HTR1E: variants seen among roughly 807,000 people sequenced by gnomAD.
HTR1E encodes the protein 5-HT-1E.
In HTR1E, 3 loss-of-function variants were observed where a neutral mutation model predicts 3.4. The ratio of observed to expected loss-of-function variants is 0.89; its 90% CI spans 0.41 to 2.31. The LOEUF (loss-of-function observed/expected upper bound fraction) is 2.31. Ranked by LOEUF, HTR1E falls within the 30% of genes most tolerant of loss-of-function variation. The probability of loss-of-function intolerance (pLI) is 0.05; values close to 1 mark genes in which losing one functional copy is unlikely to be tolerated. For missense variants in HTR1E, 392 were observed against 467.0 expected (o/e 0.84, Z 1.48); for synonymous variants, 170 against 182.8 (o/e 0.93, Z 0.56).
intron 1 of HTR1E, among the ~76,000 whole-genome samples, chr6:86,938,529 C>G (rs1768502975): frequency 1.3e-5 from 2 of 152,178 alleles, no homozygotes. Flanking sequence ...GCTCCTATCA[C>G]AGGATCATAG....
chr6:86,945,079 A>T (rs1768596690), intron 1 of HTR1E, among the ~76,000 whole-genome samples: 1 of 152,142 alleles, frequency 6.6e-6, no homozygotes, highest in African/African-American at 2.4e-5. Context: ...GTCCTTCAGA[A>T]GGTATCCCAG....
At chr6:86,991,118 AT>A (rs1453328132) in intron 1 of HTR1E, among the ~76,000 whole-genome samples, 1 of 152,200 alleles carries the variant, frequency 6.6e-6, no homozygotes, top group South Asian at 2.1e-4. Flanking sequence ...TCAGGGGGAC[AT>A]TTTTTTCTAC....
intron 1 of HTR1E, among the ~76,000 whole-genome samples, chr6:86,980,446 G>A (rs1305780782): frequency 1.3e-5 from 2 of 151,608 alleles, no homozygotes; most frequent in Admixed American, 6.6e-5. Flanking sequence ...GAAGAGGGAC[G>A]TGACAAGGCA....
chr6:87,008,092 AT>A (rs1476009358), intron 1 of HTR1E, among the ~76,000 whole-genome samples: 1 of 152,222 alleles, frequency 6.6e-6, no homozygotes, highest in Non-Finnish European at 1.5e-5. Flanking sequence ...CTGTTTTGAG[AT>A]TATAAAATGG....
chr6:86,971,961 A>C (rs1230675409), intron 1 of HTR1E, among the ~76,000 whole-genome samples: 1 of 152,190 alleles, frequency 6.6e-6, no homozygotes, highest in Non-Finnish European at 1.5e-5. Context: ...TACTTAGTGT[A>C]ATCTACAAGG....
At chr6:86,952,498 GACACAC>G (rs149359215) in intron 1 of HTR1E, among the ~76,000 whole-genome samples, 2 of 146,942 alleles carry the variant, frequency 1.4e-5, no homozygotes, top group Non-Finnish European at 3.0e-5. Context: ...CACACACACA[GACACAC>G]ACACACACAC....
At chr6:86,976,044 A>G (rs1767634683) in intron 1 of HTR1E, among the ~76,000 whole-genome samples, 1 of 152,084 alleles carries the variant, frequency 6.6e-6, no homozygotes, top group Admixed American at 6.6e-5. Context: ...TAAAAGTACT[A>G]ATATTTTTCA....
chr6:87,005,537 T>G (rs973880644), intron 1 of HTR1E, among the ~76,000 whole-genome samples: 1 of 152,124 alleles, frequency 6.6e-6, no homozygotes, highest in African/African-American at 2.4e-5. Flanking sequence ...CAGCATTCCA[T>G]ATGCAGAAGA....
chr6:87,015,238 C>T lies in HTR1E; in HGVS notation c.-97C>T. The T allele has an allele frequency of 1.9e-6, 2 of 1,058,440 alleles. No homozygotes were observed. The highest frequency in any genetic ancestry group is 2.6e-6 in the Non-Finnish European group (2 of 768,596). The allele number at this position is 1,058,440 out of a possible 1,614,324, so 65.6% of individuals were successfully genotyped here. The stretch of plus-strand genomic sequence containing the variant: ...GACCACATAGCTGAACAAATTATAG[C>T]CTCCTTACAAGTGAGAAACCTTCGA... On this transcript the variant is annotated 5_prime_UTR_variant, in exon 2 of 2. Coordinates refer to ENST00000305344, the MANE Select transcript of HTR1E (RefSeq NM_000865.3).
At chr6:87,007,440 C>T (rs961018109) in intron 1 of HTR1E, among the ~76,000 whole-genome samples, 3 of 152,096 alleles carry the variant, frequency 2.0e-5, no homozygotes, top group African/African-American at 4.8e-5. Flanking sequence ...CTATAGTCAA[C>T]AATAATTTAT....
rs1481480180 is a variant in HTR1E, at chr6:87,016,437, TA to T, written c.*10del. 1 of 1,573,660 alleles carries T rather than the reference TA, an allele frequency of 6.4e-7. No homozygotes were observed. On this transcript the variant is annotated 3_prime_UTR_variant, in exon 2 of 2. Coordinates refer to ENST00000305344, the MANE Select transcript of HTR1E (RefSeq NM_000865.3). The stretch of plus-strand genomic sequence containing the variant: ...AGATGCCGAGAGCATACTTAGACTG[TA>T]AAAAGCTAAAAGGCACGACTTTTTC...
At position 86,998,885 on chromosome 6, in the gene HTR1E, T is replaced by G. The variant is rs139216220; in HGVS notation, c.-185-16265T>G. Among the ~76,000 whole-genome samples the G allele has an allele frequency of 1.7e-4, 26 of 152,240 alleles. 1 individual carries two copies. The East Asian group carries it at 4.1e-3, about 24-fold the overall frequency. On this transcript the variant is annotated intron_variant, in intron 1 of 1. Transcript: ENST00000305344. ...AAGATTAAGAATGAAAGAAGGAATA[T>G]TACTATAGATAGTATAGGCTAAAAG...
At position 86,999,324 on chromosome 6, in the gene HTR1E, T is replaced by C. The variant is rs570115499; in HGVS notation, c.-185-15826T>C. On this transcript the variant is annotated intron_variant, in intron 1 of 1. Transcript: ENST00000305344. Reference sequence around the variant, plus strand: ...GTTTTAAGATATACCAAATAAACTATACAGATATCCTCTAACAATACAAAA... The same window carrying C: ...GTTTTAAGATATACCAAATAAACTACACAGATATCCTCTAACAATACAAAA... Among the ~76,000 whole-genome samples, 19 of 152,286 alleles carry C rather than the reference T, an allele frequency of 1.2e-4. No individual in the cohort carries two copies. In the South Asian group the frequency reaches 3.9e-3, roughly 32 times the overall value.
chr6:86,957,345 A>C (rs1767340795), intron 1 of HTR1E, among the ~76,000 whole-genome samples: 1 of 152,216 alleles, frequency 6.6e-6, no homozygotes, highest in South Asian at 2.1e-4. Context: ...TTTTTATTTT[A>C]ACCTTTTAAA....
At chr6:86,986,553 C>G (rs937713563) in intron 1 of HTR1E, among the ~76,000 whole-genome samples, 1 of 152,154 alleles carries the variant, frequency 6.6e-6, no homozygotes, top group Non-Finnish European at 1.5e-5. Flanking sequence ...TCAGTCGTAA[C>G]TTTCTTCTGC....
intron 1 of HTR1E, among the ~76,000 whole-genome samples, chr6:86,994,573 A>C (rs954155241): frequency 2.6e-4 from 35 of 134,396 alleles, no homozygotes; most frequent in African/African-American, 8.1e-4. Context: ...TCTTAGGTGA[A>C]GGGAAACTAA....
At chr6:86,938,149 G>A (rs561737117) in intron 1 of HTR1E, among the ~76,000 whole-genome samples, 112 of 152,300 alleles carry the variant, frequency 7.4e-4, no homozygotes, top group African/African-American at 2.4e-3. Flanking sequence ...AAATAGGTAT[G>A]GAACGGGTGC....
chr6:87,005,561 C>T (rs769904824), intron 1 of HTR1E, among the ~76,000 whole-genome samples: 1 of 152,118 alleles, frequency 6.6e-6, no homozygotes, highest in Non-Finnish European at 1.5e-5. Flanking sequence ...AAATAGACCC[C>T]TATGTATCAC....
At chr6:87,010,711 C>A (rs1768215539) in intron 1 of HTR1E, among the ~76,000 whole-genome samples, 1 of 149,014 alleles carries the variant, frequency 6.7e-6, no homozygotes, top group Non-Finnish European at 1.5e-5. Context: ...CGATGGGCGG[C>A]CAGGCAGAGA....
Sources: gnomAD v4.1 joint callset for allele counts (sites outside exome capture counted in the v4.1 genomes callset) on GRCh38, gnomAD v4.1.1 for gene constraint, MANE v1.5 for transcripts, NCBI Gene and HGNC (gene_info 2026-07-23, HGNC 2026-07-21) for gene names.